Variants in ENO2 observed in about 807,000 individuals in gnomAD.
ENO2 encodes gamma-enolase.
Under a neutral mutation model 48.7 loss-of-function variants are expected in ENO2, and 19 were observed. That is an observed-to-expected ratio of 0.39 (90% CI 0.27 to 0.57). The LOEUF (loss-of-function observed/expected upper bound fraction) is 0.57. ENO2 is among the 20% of genes least tolerant of loss of function. The probability of loss-of-function intolerance (pLI) is 0.58; values close to 1 mark genes in which losing one functional copy is unlikely to be tolerated. For synonymous variants in ENO2, 198 were observed against 213.4 expected, an observed-to-expected ratio of 0.93 and a Z score of 0.63; for missense variants, 416 against 555.0, an observed-to-expected ratio of 0.75 and a Z score of 2.52.
chr12:6,922,835 C>T lies in ENO2; in HGVS notation c.*35C>T. 6.2e-7 allele frequency: 1 copy of T among 1,609,724 alleles called. No homozygotes were observed. Among genetic ancestry groups the T allele is most frequent in the Non-Finnish European group, 8.5e-7 (1 of 1,176,308 alleles). On this transcript the variant is annotated 3_prime_UTR_variant, in exon 12 of 12. Coordinates refer to ENST00000229277, the MANE Select transcript of ENO2 (RefSeq NM_001975.3). This position sits in a 1 kb window ranked among gnomAD's most constrained non-coding sequence, Gnocchi z 5.3. The stretch of plus-strand genomic sequence containing the variant: ...TTGCCTGGAGACGTGGAACCTCTGT[C>T]TCATCCTCCTGGAACCTTGCTGTCC...
rs755905983 is a variant in ENO2, at chr12:6,916,626, C to T, written c.182-45C>T. 4.2e-5 allele frequency: 67 copies of T among 1,613,014 alleles called. No individual in the cohort carries two copies. In the Middle Eastern group the frequency reaches 4.9e-4, roughly 12 times the overall value. On this transcript the variant is annotated intron_variant, in intron 3 of 11. Transcript: ENST00000229277. This position sits in a 1 kb window ranked among gnomAD's most constrained non-coding sequence, Gnocchi z 4.5. ...TTCCCCTCCTCCCATTGATCCCTTC[C>T]GGCCCCTCCTGGCCCGACCCAGTCC... is the stretch of plus-strand genomic sequence containing the variant.
At chr12:6,921,416 A>C in intron 8 of ENO2, 165 bp from the exon 9 acceptor site, 1 of 661,626 alleles carries the variant, frequency 1.5e-6, no homozygotes, top group Non-Finnish European at 2.6e-6. Context: ...GTTAAGAATC[A>C]GTTAGGGCAG....
Position 6,922,111 on chromosome 12 carries a change from G to A in ENO2, c.1123G>A (p.Glu375Lys). The change falls in exon 10 of 12, where the codon GAG becomes AAG. Residue 375 changes from glutamate to lysine, a missense_variant. Physicochemically the swap from Glu to Lys is moderately conservative, Grantham distance 56. Transcript: ENST00000229277. The surrounding 1 kb of genome is among the most constrained non-coding windows in gnomAD (Gnocchi z 5.3). The stretch of plus-strand genomic sequence containing the variant: ...GGTCATGGTGAGTCATCGCTCAGGA[G>A]AGACTGAGGACACATTCATTGCTGA... ...WGVMVSHRSG[E>K]TEDTFIADLV... 1.9e-6 allele frequency: 3 copies of A among 1,614,170 alleles called. No homozygotes were observed. The highest frequency in any genetic ancestry group is 2.5e-6 in the Non-Finnish European group (3 of 1,180,034).
chr12:6,915,705 A>ACCCC, intron 1 of ENO2, 116 bp from the exon 2 acceptor site: 1 of 90,310 alleles, frequency 1.1e-5, no homozygotes, highest in South Asian at 9.1e-5. Context: ...CCCACCCCCC[A>ACCCC]CCCACTGCAG....
chr12:6,921,288 G>C (rs1203782961), intron 8 of ENO2, among the ~76,000 whole-genome samples: 1 of 152,126 alleles, frequency 6.6e-6, no homozygotes, highest in Non-Finnish European at 1.5e-5. Context: ...CTGCTACTCA[G>C]GAGGCTGAGG....
chr12:6,916,768 T>C lies in ENO2; in HGVS notation c.240+39T>C. On this transcript the variant is annotated intron_variant, in intron 4 of 11. Coordinates refer to ENST00000229277, the MANE Select transcript of ENO2 (RefSeq NM_001975.3). The surrounding 1 kb of genome is among the most constrained non-coding windows in gnomAD (Gnocchi z 4.5). ...TTTGCTGGGGATAGCAGGGCCAGAG[T>C]TCTGGAAGGAATCCCGGAGCAGGGC... 1 of 1,611,880 alleles carries C rather than the reference T, an allele frequency of 6.2e-7. No individual in the cohort carries two copies. Among genetic ancestry groups the C allele is most frequent in the Non-Finnish European group, 8.5e-7 (1 of 1,178,566 alleles).
chr12:6,922,799 G>A lies in ENO2; in HGVS notation c.1304G>A (p.Ter435=), dbSNP rs782146775. 1.5e-5 allele frequency: 25 copies of A among 1,613,966 alleles called. No individual in the cohort carries two copies. In the Admixed American group the frequency reaches 4.2e-4, roughly 27 times the overall value. The part of the protein sequence containing the change: ...GHNFRNPSVL[*] ...AACTTCCGTAATCCCAGTGTGCTGTGATTCCTCTGCTTGCCTGGAGACGTG... is the reference window on the plus strand; with the variant it reads ...AACTTCCGTAATCCCAGTGTGCTGTAATTCCTCTGCTTGCCTGGAGACGTG... Residue 435 remains the stop codon, a stop_retained_variant, in exon 12 of 12, where the codon TGA becomes TAA. Transcript: ENST00000229277. This position sits in a 1 kb window ranked among gnomAD's most constrained non-coding sequence, Gnocchi z 5.3.
At chr12:6,918,981 CAAAAA>C (rs58247795) in intron 7 of ENO2, among the ~76,000 whole-genome samples, 3 of 75,874 alleles carry the variant, frequency 4.0e-5, no homozygotes, top group African/African-American at 9.2e-5. Context: ...GACTCCGTCT[CAAAAA>C]AAAAAAAAAA....
chr12:6,918,238 C>T, intron 7 of ENO2, 76 bp downstream of exon 7: 1 of 1,503,142 alleles, frequency 6.7e-7, no homozygotes, highest in Non-Finnish European at 9.1e-7. Flanking sequence ...CACAGTTCAC[C>T]AAGTCCTGAG....
Sources: allele counts gnomAD v4.1 joint callset (sites outside exome capture counted in the v4.1 genomes callset), GRCh38; gene constraint gnomAD v4.1.1; non-coding constraint Gnocchi (gnomAD v3.1); transcripts MANE v1.5; gene names NCBI Gene and HGNC (gene_info 2026-07-23, HGNC 2026-07-21).